Variants in RNF6 observed in about 807,000 individuals in gnomAD.
RNF6 encodes the protein E3 ubiquitin-protein ligase RNF6.
A neutral mutation model predicts 50.1 loss-of-function variants in RNF6; 21 were observed. The observed-to-expected ratio is 0.42, with a 90% CI of 0.30 to 0.60. The LOEUF (loss-of-function observed/expected upper bound fraction) is 0.60, where lower values mean the gene tolerates loss of function less well. Among genes scored for constraint, RNF6 ranks in the 20% least tolerant of loss-of-function variants. RNF6 has a pLI of 0.20. For missense variants in RNF6, 698 were observed against 838.2 expected (o/e 0.83, Z 2.07); for synonymous variants, 255 against 291.8 (o/e 0.87, Z 1.29).
intron 5 of RNF6, among the ~76,000 whole-genome samples, chr13:26,164,539 G>T (rs973303748): frequency 5.9e-5 from 9 of 151,796 alleles, no homozygotes; most frequent in African/African-American, 2.2e-4. Flanking sequence ...AATCTACTAA[G>T]GTCTTTAAAA....
At chr13:26,170,790 C>T (rs1442300818) in intron 5 of RNF6, among the ~76,000 whole-genome samples, 1 of 152,130 alleles carries the variant, frequency 6.6e-6, no homozygotes, top group East Asian at 1.9e-4. Flanking sequence ...ACTGAATTAA[C>T]TTACAAAGGT....
intron 5 of RNF6, among the ~76,000 whole-genome samples, chr13:26,183,991 A>AATTATATATATATATAT (rs1873366556): frequency 1.6e-5 from 1 of 61,542 alleles, no homozygotes; most frequent in African/African-American, 7.9e-5. Context: ...AGATAAATAA[A>AATTATATATATATATAT]ATATATATAT....
chr13:26,140,257 A>C lies in RNF6; in HGVS notation n.769-7806T>G, dbSNP rs191811033. 1.5e-3 allele frequency among the ~76,000 whole-genome samples: 225 copies of C among 152,312 alleles called. 1 individual carries two copies. Among genetic ancestry groups the C allele is most frequent in the African/African-American group, 4.7e-3 (194 of 41,570 alleles). ...CAAAAACTTCAGCCAAAATTAATTGAAAGGAGTTTAATTGAGCAATGAACG... is the reference window on the plus strand; with the variant it reads ...CAAAAACTTCAGCCAAAATTAATTGCAAGGAGTTTAATTGAGCAATGAACG... On this transcript the variant is annotated intron_variant and non_coding_transcript_variant, in intron 5 of 5. Coordinates refer to the RNF6 transcript ENST00000468480.
intron 5 of RNF6, among the ~76,000 whole-genome samples, chr13:26,177,441 C>T (rs924072979): frequency 3.3e-5 from 5 of 152,348 alleles, no homozygotes; most frequent in Middle Eastern, 3.4e-3. Context: ...CTGCCCTTCT[C>T]TAACATGTCA....
At chr13:26,152,326 G>A (rs904916746) in intron 5 of RNF6, among the ~76,000 whole-genome samples, 1 of 152,146 alleles carries the variant, frequency 6.6e-6, no homozygotes, top group Non-Finnish European at 1.5e-5. Flanking sequence ...GTTTCCACGC[G>A]TTTGCTCACG....
chr13:26,134,177 G>T (rs193264585), intron 5 of RNF6, among the ~76,000 whole-genome samples: 52 of 152,358 alleles, frequency 3.4e-4, no homozygotes, highest in Non-Finnish European at 6.5e-4. Flanking sequence ...GAAGGAATTG[G>T]AATGCCTTCT....
At chr13:26,146,655 G>T (rs988254756) in intron 5 of RNF6, among the ~76,000 whole-genome samples, 1 of 152,142 alleles carries the variant, frequency 6.6e-6, no homozygotes, top group Admixed American at 6.5e-5. Flanking sequence ...CAACTCTGAC[G>T]CTTCTACCTC....
At chr13:26,198,151 C>T (rs1198108745) in intron 5 of RNF6, among the ~76,000 whole-genome samples, 1 of 149,950 alleles carries the variant, frequency 6.7e-6, no homozygotes, top group Non-Finnish European at 1.5e-5. Flanking sequence ...TATACACACA[C>T]ATATATATAT....
chr13:26,169,654 C>T (rs1872604210), intron 5 of RNF6, among the ~76,000 whole-genome samples: 1 of 152,188 alleles, frequency 6.6e-6, no homozygotes, highest in African/African-American at 2.4e-5. Context: ...ACTAGGGCAT[C>T]TCTTATAAAC....
chr13:26,205,387 G>C (rs1869066632), intron 5 of RNF6, among the ~76,000 whole-genome samples: 1 of 152,210 alleles, frequency 6.6e-6, no homozygotes, highest in African/African-American at 2.4e-5. Flanking sequence ...GAGGCTCAAT[G>C]TTATAAAATC....
chr13:26,156,875 G>T (rs987244140), intron 5 of RNF6, among the ~76,000 whole-genome samples: 6 of 152,174 alleles, frequency 3.9e-5, no homozygotes, highest in Admixed American at 2.6e-4. Context: ...TAACAGATGG[G>T]AGTTTATATA....
Position 26,215,287 on chromosome 13 carries a change from T to A in RNF6, c.595A>T (p.Ser199Cys). Reference protein sequence around the residue: ...STSPVARRTRSQTSVNFNGSS... With the variant: ...STSPVARRTRCQTSVNFNGSS... ...CCATTGAAATTCACTGAGGTTTGGCTTCTTGTTCGCCTAGCCACAGGACTA... is the reference window on the plus strand; with the variant it reads ...CCATTGAAATTCACTGAGGTTTGGCATCTTGTTCGCCTAGCCACAGGACTA... The change falls in exon 5 of 5, where the codon AGC becomes TGC. Residue 199 changes from serine (S) to cysteine (C), a missense_variant. Ser to Cys is a moderately radical substitution (Grantham distance 112). Coordinates refer to ENST00000381588, the MANE Select transcript of RNF6 (RefSeq NM_005977.4). 1 of 1,614,250 alleles carries A rather than the reference T, an allele frequency of 6.2e-7. No homozygotes were observed. The highest frequency in any genetic ancestry group is 8.5e-7 in the Non-Finnish European group (1 of 1,180,036).
chr13:26,149,222 A>C (rs1412578585), intron 5 of RNF6: 1 of 152,156 alleles, frequency 6.6e-6, no homozygotes, highest in Admixed American at 6.6e-5. Flanking sequence ...TATGGGGGAA[A>C]AATTCATTAC....
At chr13:26,140,069 G>A (rs756934997) in intron 5 of RNF6, among the ~76,000 whole-genome samples, 13 of 152,246 alleles carry the variant, frequency 8.5e-5, no homozygotes, top group Non-Finnish European at 1.8e-4. Flanking sequence ...CTACAAACTT[G>A]CTAATCTCTT....
chr13:26,190,351 C>A (rs1269910704), intron 5 of RNF6, among the ~76,000 whole-genome samples: 3 of 152,170 alleles, frequency 2.0e-5, no homozygotes, highest in Non-Finnish European at 4.4e-5. Context: ...TTTATAGATT[C>A]TAGATATTAG....
At chr13:26,196,628 T>C (rs1296452575) in intron 5 of RNF6, among the ~76,000 whole-genome samples, 3 of 150,686 alleles carry the variant, frequency 2.0e-5, no homozygotes, top group African/African-American at 7.4e-5. Flanking sequence ...GTGAGACTCT[T>C]TCTCCAAAAA....
intron 5 of RNF6, among the ~76,000 whole-genome samples, chr13:26,204,619 G>A (rs141682982): frequency 3.9e-5 from 6 of 152,116 alleles, no homozygotes; most frequent in East Asian, 1.9e-4. Flanking sequence ...GCAGGTCCTC[G>A]AGAGCCCAAA....
intron 5 of RNF6, among the ~76,000 whole-genome samples, chr13:26,192,641 A>C (rs1016095816): frequency 6.6e-6 from 1 of 152,230 alleles, no homozygotes; most frequent in African/African-American, 2.4e-5. Flanking sequence ...TTGATGAAAC[A>C]GGCTGCCATT....
At chr13:26,217,855 C>T (rs1011446939) in intron 4 of RNF6, among the ~76,000 whole-genome samples, 2 of 152,202 alleles carry the variant, frequency 1.3e-5, no homozygotes, top group African/African-American at 4.8e-5. Context: ...AAGAGGATTT[C>T]CTTCCCTGGA....
Sources: allele counts gnomAD v4.1 joint callset (sites outside exome capture counted in the v4.1 genomes callset), GRCh38; gene constraint gnomAD v4.1.1; transcripts MANE v1.5; gene names NCBI Gene and HGNC (gene_info 2026-07-23, HGNC 2026-07-21).